Variants in RASL10B observed in about 807,000 individuals in gnomAD.
RASL10B encodes the protein ras-like protein family member 10B.
RASL10B carries 10 observed loss-of-function variants against 20.7 expected under a neutral mutation model. The observed-to-expected ratio is 0.48, with a 90% CI of 0.30 to 0.82. The LOEUF is 0.82. RASL10B is among the 40% of genes least tolerant of loss of function. The pLI is 0.07. For missense variants in RASL10B, 231 were observed against 295.4 expected (o/e 0.78, Z 1.60); for synonymous variants, 110 against 123.3 (o/e 0.89, Z 0.72).
In RASL10B at chr17:35,735,063, A is replaced by G; in HGVS notation, c.-122A>G. The G allele has an allele frequency of 9.8e-7, 1 of 1,018,842 alleles. No homozygotes were observed. The highest frequency in any genetic ancestry group is 1.5e-6 in the Non-Finnish European group (1 of 673,116). 63.1% of individuals were successfully genotyped at this position (1,018,842 alleles called of 1,614,324 possible). On this transcript the variant is annotated 5_prime_UTR_variant, in exon 2 of 4. Coordinates refer to ENST00000603017, the MANE Select transcript of RASL10B (RefSeq NM_033315.4). The surrounding 1 kb of genome is among the most constrained non-coding windows in gnomAD (Gnocchi z 6.7). ...TCCAGGTGGAGGCCGCAGAGGGCCC[A>G]GGGCAAGCAGAGGCAGCAATGGTTG...
At chr17:35,734,763 G>A (rs1280622900) in intron 1 of RASL10B, among the ~76,000 whole-genome samples, 1 of 152,180 alleles carries the variant, frequency 6.6e-6, no homozygotes, top group Admixed American at 6.5e-5. Context: ...ACCAAGTCCA[G>A]TGCGCTTCCC....
At chr17:35,738,412 ATTC>A (rs2085608688) in intron 2 of RASL10B, among the ~76,000 whole-genome samples, 1 of 152,154 alleles carries the variant, frequency 6.6e-6, no homozygotes, top group Admixed American at 6.6e-5. Flanking sequence ...AAAATAATAC[ATTC>A]TTCTCCAATG....
chr17:35,732,360 G>A (rs2085563704), intron 1 of RASL10B, among the ~76,000 whole-genome samples: 1 of 152,240 alleles, frequency 6.6e-6, no homozygotes, highest in African/African-American at 2.4e-5. Context: ...TTTCCGGGCA[G>A]TCTCTTGCCG....
intron 1 of RASL10B, among the ~76,000 whole-genome samples, chr17:35,734,320 G>A (rs2085576736): frequency 6.6e-6 from 1 of 152,194 alleles, no homozygotes; most frequent in Admixed American, 6.5e-5. Flanking sequence ...CCTTCGGGTT[G>A]TGATTGGGCA....
intron 2 of RASL10B, among the ~76,000 whole-genome samples, chr17:35,739,380 C>T (rs1411142032): frequency 6.6e-6 from 1 of 152,138 alleles, no homozygotes; most frequent in East Asian, 1.9e-4. Flanking sequence ...TCTGTCCCCC[C>T]ACCTTTAGGG....
intron 1 of RASL10B, among the ~76,000 whole-genome samples, chr17:35,732,900 G>A (rs930504440): frequency 1.4e-4 from 21 of 152,168 alleles, no homozygotes; most frequent in African/African-American, 3.9e-4. Flanking sequence ...GTGGTGTCCA[G>A]GGATGCCTAA....
intron 2 of RASL10B, among the ~76,000 whole-genome samples, chr17:35,739,634 T>C (rs1438057547): frequency 6.6e-6 from 1 of 152,204 alleles, no homozygotes; most frequent in South Asian, 2.1e-4. Context: ...AATCTTTTTC[T>C]GTTTCTCAAC....
Position 35,742,106 on chromosome 17 carries a change from T to C in RASL10B, c.*801T>C, listed in dbSNP as rs371392359. 3 of 152,492 alleles carry C rather than the reference T, an allele frequency of 2.0e-5. No individual in the cohort carries two copies. Among genetic ancestry groups the C allele is most frequent in the Admixed American group, 1.3e-4 (2 of 15,284 alleles). 9.4% of individuals were successfully genotyped at this position (152,492 alleles called of 1,614,324 possible). On this transcript the variant is annotated 3_prime_UTR_variant, in exon 4 of 4. Coordinates refer to ENST00000603017, the MANE Select transcript of RASL10B (RefSeq NM_033315.4). The stretch of plus-strand genomic sequence containing the variant: ...GGGTTAAAACTTTTTTTCTTTTTTT[T>C]TTTTGGACAGAGTGTGGAAAGGGAG...
chr17:35,732,429 C>T (rs1278674193), intron 1 of RASL10B, among the ~76,000 whole-genome samples: 2 of 152,256 alleles, frequency 1.3e-5, no homozygotes, highest in African/African-American at 4.8e-5. Context: ...GCTCAGGGGC[C>T]TGGGCCCTGC....
At position 35,735,518 on chromosome 17, in the gene RASL10B, G is replaced by A; in HGVS notation, c.216+118G>A. The A allele has an allele frequency of 1.1e-6, 1 of 919,036 alleles. No homozygotes were observed. Among genetic ancestry groups the A allele is most frequent in the Non-Finnish European group, 1.7e-6 (1 of 598,280 alleles). The allele number at this position is 919,036 out of a possible 1,614,324, so 56.9% of individuals were successfully genotyped here. A position where few individuals can be genotyped will look rare whatever the true frequency, so the allele number is the denominator to read the frequency against. ...CAGGGCCCCATCACTGAGTTTGGGA[G>A]CTCCACACTGCACCTTGGGCCACTC... On this transcript the variant is annotated intron_variant, in intron 2 of 3. Coordinates refer to ENST00000603017, the MANE Select transcript of RASL10B (RefSeq NM_033315.4). The surrounding 1 kb of genome is among the most constrained non-coding windows in gnomAD (Gnocchi z 6.7).
At chr17:35,733,137 A>G (rs1197137639) in intron 1 of RASL10B, among the ~76,000 whole-genome samples, 1 of 152,146 alleles carries the variant, frequency 6.6e-6, no homozygotes, top group African/African-American at 2.4e-5. Context: ...TTAAACCTTC[A>G]ATAAAATGAG....
chr17:35,735,658 G>A lies in RASL10B; in HGVS notation c.216+258G>A, dbSNP rs1300062680. On this transcript the variant is annotated intron_variant, in intron 2 of 3. Coordinates refer to ENST00000603017, the MANE Select transcript of RASL10B (RefSeq NM_033315.4). The surrounding 1 kb of genome is among the most constrained non-coding windows in gnomAD (Gnocchi z 6.7). Reference sequence around the variant, plus strand: ...AGTGGGCACTGGTGCAGAATGGTGAGCAAAAAATTTATGGAATTTGCTTTC... The same window carrying A: ...AGTGGGCACTGGTGCAGAATGGTGAACAAAAAATTTATGGAATTTGCTTTC... Among the ~76,000 whole-genome samples, 2 of 152,228 alleles carry A rather than the reference G, an allele frequency of 1.3e-5. No individual in the cohort carries two copies. Among genetic ancestry groups the A allele is most frequent in the Non-Finnish European group, 2.9e-5 (2 of 68,036 alleles).
At chr17:35,733,412 C>G (rs1170475484) in intron 1 of RASL10B, among the ~76,000 whole-genome samples, 6 of 152,212 alleles carry the variant, frequency 3.9e-5, no homozygotes, top group Non-Finnish European at 4.4e-5. Flanking sequence ...GGAATCAAGC[C>G]CTGGCGGTTC....
In RASL10B at chr17:35,735,395, C is replaced by A. The variant is rs1381928463; in HGVS notation, c.211C>A (p.Leu71Ile). The change falls in exon 2 of 4, where the codon CTC becomes ATC. Residue 71 changes from leucine (L) to isoleucine (I), a missense_variant. Coordinates refer to ENST00000603017, the MANE Select transcript of RASL10B (RefSeq NM_033315.4). This position sits in a 1 kb window ranked among gnomAD's most constrained non-coding sequence, Gnocchi z 6.7. ...CATCAGCGCCTTCCCTGTCAATACG[C>A]TCCAGGTAGGAGGACCCTGGGGGGC... ...PPISAFPVNT[L>I]QEWADTCCRG... 1 of 1,614,048 alleles carries A rather than the reference C, an allele frequency of 6.2e-7. No individual in the cohort carries two copies. The highest frequency in any genetic ancestry group is 1.1e-5 in the South Asian group (1 of 91,082).
intron 2 of RASL10B, among the ~76,000 whole-genome samples, chr17:35,739,686 A>G (rs782678496): frequency 6.6e-6 from 1 of 152,248 alleles, no homozygotes; most frequent in African/African-American, 2.4e-5. Context: ...CACATCAGGT[A>G]GCAGTCTAAG....
intron 2 of RASL10B, among the ~76,000 whole-genome samples, chr17:35,736,586 C>T (rs782507898): frequency 6.1e-4 from 93 of 152,192 alleles, no homozygotes; most frequent in Non-Finnish European, 1.0e-3. Context: ...GATGCAGGGC[C>T]TTCTAGTTCT....
Position 35,743,447 on chromosome 17 carries a change from A to C in RASL10B, c.*2142A>C, listed in dbSNP as rs1555598323. On this transcript the variant is annotated 3_prime_UTR_variant, in exon 4 of 4. Transcript: ENST00000603017. Reference sequence around the variant, plus strand: ...AGGGTTTCCCACCACAGGGTCTGGAAGTGTGTGTGACGCCCATTGAGCTGT... The same window carrying C: ...AGGGTTTCCCACCACAGGGTCTGGACGTGTGTGTGACGCCCATTGAGCTGT... The C allele has an allele frequency of 6.5e-6, 1 of 152,820 alleles. No homozygotes were observed. Among genetic ancestry groups the C allele is most frequent in the African/African-American group, 2.4e-5 (1 of 41,448 alleles). 9.5% of individuals were successfully genotyped at this position (152,820 alleles called of 1,614,324 possible).
chr17:35,738,360 A>T (rs1295334467), intron 2 of RASL10B, among the ~76,000 whole-genome samples: 1 of 152,174 alleles, frequency 6.6e-6, no homozygotes, highest in Non-Finnish European at 1.5e-5. Flanking sequence ...ACCAAAGATT[A>T]AGTATAAAAC....
Position 35,735,418 on chromosome 17 carries a change from G to C in RASL10B, c.216+18G>C. 1 of 1,611,200 alleles carries C rather than the reference G, an allele frequency of 6.2e-7. No homozygotes were observed. Among genetic ancestry groups the C allele is most frequent in the South Asian group, 1.1e-5 (1 of 91,034 alleles). On this transcript the variant is annotated intron_variant, in intron 2 of 3. Transcript: ENST00000603017. This position sits in a 1 kb window ranked among gnomAD's most constrained non-coding sequence, Gnocchi z 6.7. ...CGCTCCAGGTAGGAGGACCCTGGGGGGCATGGGTTAGTGGGGAAACGGATG... is the reference window on the plus strand; with the variant it reads ...CGCTCCAGGTAGGAGGACCCTGGGGCGCATGGGTTAGTGGGGAAACGGATG...
Sources: gnomAD v4.1 joint callset for allele counts (sites outside exome capture counted in the v4.1 genomes callset) on GRCh38, gnomAD v4.1.1 for gene constraint, Gnocchi (gnomAD v3.1) non-coding constraint, MANE v1.5 for transcripts, NCBI Gene and HGNC (gene_info 2026-07-23, HGNC 2026-07-21) for gene names.